The following BTBD9 variants were observed in gnomAD, a reference collection of about 807,000 sequenced individuals.
BTBD9 encodes the protein BTB/POZ domain-containing protein 9.
Under a neutral mutation model 64.3 loss-of-function variants are expected in BTBD9, and 49 were observed. That is an observed-to-expected ratio of 0.76 (90% CI 0.61 to 0.97). The LOEUF is 0.97. BTBD9 is among the 50% of genes least tolerant of loss of function. BTBD9 has a pLI of 0.00. For synonymous variants in BTBD9, 260 were observed against 274.7 expected (o/e 0.95, Z 0.53); for missense variants, 598 against 762.1 (o/e 0.78, Z 2.53).
chr6:38,385,972 G>T (rs937132969), intron 6 of BTBD9, among the ~76,000 whole-genome samples: 2 of 151,630 alleles, frequency 1.3e-5, no homozygotes, highest in Non-Finnish European at 2.9e-5. Flanking sequence ...TGTATTTTTA[G>T]TACAGATGGG....
intron 8 of BTBD9, among the ~76,000 whole-genome samples, chr6:38,272,589 G>C (rs1040459684): frequency 2.0e-5 from 3 of 152,044 alleles, no homozygotes; most frequent in Non-Finnish European, 4.4e-5. Flanking sequence ...TGAATTTTCT[G>C]CTTGTCTCTG....
intron 6 of BTBD9, among the ~76,000 whole-genome samples, chr6:38,502,124 C>T (rs75828592): frequency 6.6e-6 from 1 of 152,240 alleles, no homozygotes; most frequent in African/African-American, 2.4e-5. Flanking sequence ...GGACACCTGC[C>T]AGATGGGGAT....
chr6:38,255,422 G>A (rs560693049), intron 9 of BTBD9, among the ~76,000 whole-genome samples: 1 of 152,334 alleles, frequency 6.6e-6, no homozygotes, highest in East Asian at 1.9e-4. Context: ...TTTATGGTAT[G>A]TGAATTATAT....
chr6:38,283,320 C>G (rs201360066), intron 8 of BTBD9, among the ~76,000 whole-genome samples: 62 of 152,308 alleles, frequency 4.1e-4, no homozygotes, highest in South Asian at 3.1e-3. Context: ...CAATTATGTC[C>G]TTCACTTAGC....
At chr6:38,628,674 T>G (rs991119233) in intron 1 of BTBD9, among the ~76,000 whole-genome samples, 8 of 152,096 alleles carry the variant, frequency 5.3e-5, no homozygotes, top group Admixed American at 2.0e-4. Context: ...ACTGAAGGTG[T>G]CAGTATGAAC....
chr6:38,182,291 GGCAGC>G (rs1761592543), intron 10 of BTBD9, among the ~76,000 whole-genome samples: 1 of 152,176 alleles, frequency 6.6e-6, no homozygotes, highest in Admixed American at 6.5e-5. Context: ...TATCACCCCA[GGCAGC>G]CCTGGAATTC....
intron 6 of BTBD9, among the ~76,000 whole-genome samples, chr6:38,414,564 C>T (rs1767581697): frequency 6.6e-6 from 1 of 152,124 alleles, no homozygotes; most frequent in Non-Finnish European, 1.5e-5. Flanking sequence ...CATCAATCTC[C>T]ACTTTCTTTC....
At chr6:38,287,106 ATAT>A (rs372440945) in intron 8 of BTBD9, among the ~76,000 whole-genome samples, 1 of 114,098 alleles carries the variant, frequency 8.8e-6, no homozygotes, top group African/African-American at 3.6e-5. Context: ...AAAAAAAAAA[ATAT>A]ACACACACAC....
intron 6 of BTBD9, among the ~76,000 whole-genome samples, chr6:38,407,120 T>C (rs1021898594): frequency 2.0e-5 from 3 of 152,240 alleles, no homozygotes; most frequent in Admixed American, 1.3e-4. Context: ...ATTTCTCAAA[T>C]AGATTTTAAT....
intron 7 of BTBD9, among the ~76,000 whole-genome samples, chr6:38,305,342 T>TCCCCTAAAA (rs1762586942): frequency 6.6e-6 from 1 of 152,228 alleles, no homozygotes; most frequent in Admixed American, 6.5e-5. Flanking sequence ...CCTAAAAGTC[T>TCCCCTAAAA]GCCCCACATG....
chr6:38,480,500 C>T (rs915525904), intron 6 of BTBD9, among the ~76,000 whole-genome samples: 2 of 152,256 alleles, frequency 1.3e-5, no homozygotes, highest in South Asian at 4.1e-4. Context: ...CTGCTTTTAG[C>T]CTCTCATTTA....
At position 38,177,329 on chromosome 6, in the gene BTBD9, C is replaced by T. The variant is rs1449000922; in HGVS notation, c.1642-2147G>A. Among the ~76,000 whole-genome samples the T allele has an allele frequency of 2.0e-5, 3 of 152,154 alleles. No homozygotes were observed. The South Asian group carries it at 6.2e-4, about 31-fold the overall frequency. On this transcript the variant is annotated intron_variant, in intron 10 of 10. Coordinates refer to ENST00000481247, the MANE Select transcript of BTBD9 (RefSeq NM_001099272.2). ...CGTTCTCTACAGTCCTGTTAATTTC[C>T]AGGCCAGCTCTTCCCCCACCGGCCC...
chr6:38,347,518 A>G (rs1456599795), intron 6 of BTBD9, among the ~76,000 whole-genome samples: 2 of 152,238 alleles, frequency 1.3e-5, no homozygotes, highest in East Asian at 1.9e-4. Context: ...AAAATGGCAT[A>G]AAGTCCCTAC....
At chr6:38,561,951 G>A (rs956394714) in intron 6 of BTBD9, among the ~76,000 whole-genome samples, 2 of 152,244 alleles carry the variant, frequency 1.3e-5, no homozygotes, top group South Asian at 4.1e-4. Flanking sequence ...TAGAGAGAGA[G>A]AAAGAGAGAG....
intron 6 of BTBD9, among the ~76,000 whole-genome samples, chr6:38,410,439 C>T (rs1040562621): frequency 2.0e-5 from 3 of 152,008 alleles, no homozygotes; most frequent in Non-Finnish European, 4.4e-5. Flanking sequence ...CACTACTGCA[C>T]TCAAGCTTGG....
At chr6:38,391,078 G>A (rs1268403329) in intron 6 of BTBD9, among the ~76,000 whole-genome samples, 2 of 152,024 alleles carry the variant, frequency 1.3e-5, no homozygotes, top group Admixed American at 1.3e-4. Context: ...AAGACTTCAC[G>A]TCTTACTCAT....
chr6:38,594,211 G>A lies in BTBD9; in HGVS notation c.302C>T (p.Thr101Met), dbSNP rs546808376. 2.1e-5 allele frequency: 34 copies of A among 1,614,174 alleles called. 1 individual carries two copies. The highest frequency in any genetic ancestry group is 3.3e-4 in the Middle Eastern group (2 of 6,062). The change falls in exon 3 of 11, where the codon ACG (threonine) becomes ATG (methionine). Residue 101 changes from threonine (T) to methionine (M), a missense_variant. Coordinates refer to ENST00000481247, the MANE Select transcript of BTBD9 (RefSeq NM_001099272.2). ...LLKYIYTGRA[T>M]LTDEKEEVLL... ...CACCTCCTCCTTCTCATCTGTCAGC[G>A]TTGCCCGCCCAGTGTAGATATATTT...
intron 9 of BTBD9, among the ~76,000 whole-genome samples, chr6:38,214,779 C>A (rs1762957551): frequency 6.6e-6 from 1 of 152,150 alleles, no homozygotes; most frequent in Admixed American, 6.5e-5. Flanking sequence ...GCTAAGATAT[C>A]AAGCAATGAC....
At chr6:38,545,832 T>C (rs1000967002) in intron 6 of BTBD9, among the ~76,000 whole-genome samples, 1 of 137,172 alleles carries the variant, frequency 7.3e-6, no homozygotes, top group African/African-American at 2.8e-5. Context: ...TGCTTTAATA[T>C]TTAAAACACA....
Sources: allele counts gnomAD v4.1 joint callset (sites outside exome capture counted in the v4.1 genomes callset), GRCh38; gene constraint gnomAD v4.1.1; transcripts MANE v1.5; gene names NCBI Gene and HGNC (gene_info 2026-07-23, HGNC 2026-07-21).